The following BICC1 variants were observed in gnomAD, a reference collection of about 807,000 sequenced individuals.
The protein encoded by BICC1 is protein bicaudal C homolog 1.
Under a neutral mutation model 111.0 loss-of-function variants are expected in BICC1, and 43 were observed. The observed-to-expected ratio is 0.39, with a 90% CI of 0.30 to 0.50. The LOEUF (loss-of-function observed/expected upper bound fraction) is 0.50. BICC1 is among the 20% of genes least tolerant of loss of function. The pLI is 0.88. For missense variants in BICC1, 1,091 were observed against 1,203.2 expected (o/e 0.91, Z 1.38); for synonymous variants, 467 against 434.4 (o/e 1.07, Z -0.93).
At chr10:58,746,272 G>A (rs1250368015) in intron 3 of BICC1, among the ~76,000 whole-genome samples, 1 of 152,116 alleles carries the variant, frequency 6.6e-6, no homozygotes, top group African/African-American at 2.4e-5. Flanking sequence ...AATTTAGGGT[G>A]AGCAAAGACT....
intron 20 of BICC1, among the ~76,000 whole-genome samples, chr10:58,825,399 T>A (rs1844365540): frequency 1.3e-5 from 2 of 152,044 alleles, no homozygotes; most frequent in South Asian, 4.1e-4. Context: ...ATTGAAAAAA[T>A]TTAAGAAAAA....
At chr10:58,685,989 G>T (rs1445721791) in intron 2 of BICC1, among the ~76,000 whole-genome samples, 4 of 152,194 alleles carry the variant, frequency 2.6e-5, no homozygotes, top group Non-Finnish European at 4.4e-5. Context: ...GCACGTTTCT[G>T]CAGTGGCTGG....
At chr10:58,592,068 TTTAAC>T (rs1273024927) in intron 1 of BICC1, among the ~76,000 whole-genome samples, 1 of 152,242 alleles carries the variant, frequency 6.6e-6, no homozygotes, top group Non-Finnish European at 1.5e-5. Flanking sequence ...TTATAATGTT[TTTAAC>T]TTATCCTTGC....
chr10:58,729,339 A>G (rs1476333290), intron 3 of BICC1, among the ~76,000 whole-genome samples: 2 of 152,190 alleles, frequency 1.3e-5, no homozygotes, highest in Non-Finnish European at 2.9e-5. Context: ...AATTATGGAG[A>G]TGGCATCTTT....
At chr10:58,718,468 TG>T (rs1840819491) in intron 3 of BICC1, among the ~76,000 whole-genome samples, 1 of 152,308 alleles carries the variant, frequency 6.6e-6, no homozygotes, top group African/African-American at 2.4e-5. Flanking sequence ...CTGTAGCACT[TG>T]TTCATCTTTT....
intron 2 of BICC1, among the ~76,000 whole-genome samples, chr10:58,658,216 C>G (rs1023259861): frequency 6.6e-6 from 1 of 152,160 alleles, no homozygotes; most frequent in Non-Finnish European, 1.5e-5. Context: ...GAGACAGAGT[C>G]TCAGTCTGTC....
intron 3 of BICC1, among the ~76,000 whole-genome samples, chr10:58,711,685 A>T (rs2132486237): frequency 6.6e-6 from 1 of 152,234 alleles, no homozygotes; most frequent in Non-Finnish European, 1.5e-5. Context: ...GCTGCAAACT[A>T]GCTGTTCTTT....
intron 1 of BICC1, among the ~76,000 whole-genome samples, chr10:58,563,078 A>G (rs1589101122): frequency 6.6e-6 from 1 of 152,028 alleles, no homozygotes. Context: ...TGCCTGAGTC[A>G]TTGCCGTACC....
intron 1 of BICC1, among the ~76,000 whole-genome samples, chr10:58,585,444 T>G (rs1844402694): frequency 6.6e-6 from 1 of 152,218 alleles, no homozygotes; most frequent in African/African-American, 2.4e-5. Flanking sequence ...TTTATACTAT[T>G]TTCTGAATAT....
rs148239227 is a variant in BICC1, at chr10:58,577,024, C to T, written c.191-43831C>T. On this transcript the variant is annotated intron_variant, in intron 1 of 20. Coordinates refer to ENST00000373886, the MANE Select transcript of BICC1 (RefSeq NM_001080512.3). ...ATGAGGGAAAACAGAAACAAACTGT[C>T]GGGCCAGAGGCAGAGGGGGCTCTCA... 3.6e-4 allele frequency among the ~76,000 whole-genome samples: 55 copies of T among 152,230 alleles called. 1 individual carries two copies. The highest frequency in any genetic ancestry group is 1.5e-4 in the Non-Finnish European group (10 of 68,018).
chr10:58,578,040 C>G (rs1368574421), intron 1 of BICC1, among the ~76,000 whole-genome samples: 1 of 152,112 alleles, frequency 6.6e-6, no homozygotes, highest in Non-Finnish European at 1.5e-5. Flanking sequence ...ACTTTTCTCT[C>G]TAAATGATGA....
intron 2 of BICC1, among the ~76,000 whole-genome samples, chr10:58,627,976 CAT>C (rs951735612): frequency 7.1e-4 from 108 of 151,938 alleles, no homozygotes; most frequent in African/African-American, 2.2e-3. Flanking sequence ...TATTTAATGA[CAT>C]GTTGAAATTG....
At position 58,799,151 on chromosome 10, in the gene BICC1, G is replaced by A; in HGVS notation, c.1624G>A (p.Ala542Thr). The A allele has an allele frequency of 6.2e-7, 1 of 1,613,604 alleles. No homozygotes were observed. ...LSGVPTYGHT[A>T]PSPPPGLTPV... is the part of the protein sequence containing the mutation. The stretch of plus-strand genomic sequence containing the variant: ...TGGAGTGCCCACCTATGGGCACACA[G>A]CTCCATCTCCCCCTCCTGGCTTGAC... The change falls in exon 12 of 21, where the codon GCT becomes ACT. Residue 542 changes from alanine (A) to threonine (T), a missense_variant. Physicochemically the swap from Ala to Thr is moderately conservative, Grantham distance 58. This residue lies in a region of BICC1 where 843 missense variants were observed against 900.8 expected (regional missense o/e 0.94). Coordinates refer to ENST00000373886, the MANE Select transcript of BICC1 (RefSeq NM_001080512.3).
intron 2 of BICC1, among the ~76,000 whole-genome samples, chr10:58,670,151 T>C (rs547562242): frequency 6.6e-6 from 1 of 152,298 alleles, no homozygotes; most frequent in South Asian, 2.1e-4. Flanking sequence ...ATATTTGCTT[T>C]ATCACATATC....
At chr10:58,568,056 C>T (rs989918007) in intron 1 of BICC1, among the ~76,000 whole-genome samples, 4 of 152,132 alleles carry the variant, frequency 2.6e-5, no homozygotes, top group South Asian at 2.1e-4. Context: ...GCATTCTACT[C>T]CCAACAACTT....
At chr10:58,580,052 A>G (rs189683863) in intron 1 of BICC1, among the ~76,000 whole-genome samples, 47 of 149,550 alleles carry the variant, frequency 3.1e-4, no homozygotes, top group African/African-American at 1.1e-3. Context: ...TCCAGACAGA[A>G]TCTTGCCTGT....
intron 3 of BICC1, among the ~76,000 whole-genome samples, chr10:58,772,932 AAATGC>A (rs1167438953): frequency 6.6e-6 from 1 of 152,212 alleles, no homozygotes; most frequent in African/African-American, 2.4e-5. Flanking sequence ...AGAAATTCAA[AAATGC>A]TGCTGATCCA....
chr10:58,692,490 CA>C (rs1274807368), intron 2 of BICC1, among the ~76,000 whole-genome samples: 3 of 151,966 alleles, frequency 2.0e-5, no homozygotes, highest in Non-Finnish European at 4.4e-5. Context: ...AATTTTTTGT[CA>C]AAATATTTAG....
rs180696118 is a variant in BICC1 at position 58,593,638 on chromosome 10, G to T, written c.191-27217G>T. ...ACCTCCAGAAAACTCCAGCAGACTG[G>T]CAGCAGAGGGGTCTGACTGTCAGAA... On this transcript the variant is annotated intron_variant, in intron 1 of 20. Transcript: ENST00000373886. Among the ~76,000 whole-genome samples, 613 of 152,238 alleles carry T rather than the reference G, an allele frequency of 4.0e-3. 7 individuals are homozygous for T. Among genetic ancestry groups the T allele is most frequent in the Non-Finnish European group, 3.5e-3 (235 of 68,012 alleles).
Sources: allele counts gnomAD v4.1 joint callset (sites outside exome capture counted in the v4.1 genomes callset), GRCh38; gene constraint gnomAD v4.1.1; regional missense constraint gnomAD v4.1.1; transcripts MANE v1.5; gene names NCBI Gene and HGNC (gene_info 2026-07-23, HGNC 2026-07-21).